Variants in IGSF11 observed in about 807,000 individuals in gnomAD.
The protein encoded by IGSF11 is CXADR like 1.
IGSF11 carries 22 observed loss-of-function variants against 41.0 expected under a neutral mutation model. The ratio of observed to expected loss-of-function variants is 0.54; its 90% CI spans 0.38 to 0.77. The LOEUF is 0.77. Among genes scored for constraint, IGSF11 ranks in the 30% least tolerant of loss-of-function variants. The pLI is 0.00. For missense variants in IGSF11, 444 were observed against 530.8 expected, an observed-to-expected ratio of 0.84 and a Z score of 1.61; for synonymous variants, 219 against 201.3, an observed-to-expected ratio of 1.09 and a Z score of -0.74.
intron 1 of IGSF11, among the ~76,000 whole-genome samples, chr3:119,048,800 T>A (rs1258838354): frequency 6.6e-6 from 1 of 152,126 alleles, no homozygotes; most frequent in South Asian, 2.1e-4. Context: ...TTATCCACCA[T>A]GATCAAGTGG....
chr3:119,004,089 G>A (rs1409909272), intron 1 of IGSF11, among the ~76,000 whole-genome samples: 1 of 150,472 alleles, frequency 6.6e-6, no homozygotes, highest in Non-Finnish European at 1.5e-5. Context: ...AATCCATCTG[G>A]TCCTGGACTC....
At chr3:118,914,190 T>G (rs1335222431) in intron 4 of IGSF11, among the ~76,000 whole-genome samples, 1 of 151,994 alleles carries the variant, frequency 6.6e-6, no homozygotes. Flanking sequence ...AAATAATCAG[T>G]AGAAGATATG....
intron 4 of IGSF11, among the ~76,000 whole-genome samples, chr3:118,909,655 A>G (rs1433896475): frequency 6.6e-6 from 1 of 152,266 alleles, no homozygotes; most frequent in East Asian, 1.9e-4. Context: ...CACCGTCCAG[A>G]TGGATGTTAG....
At chr3:119,027,384 T>G in intron 1 of IGSF11, among the ~76,000 whole-genome samples, 1 of 152,168 alleles carries the variant, frequency 6.6e-6, no homozygotes, top group East Asian at 1.9e-4. Context: ...GACCAGATAT[T>G]CTTCACATTT....
At position 118,996,999 on chromosome 3, in the gene IGSF11, A is replaced by G. The variant is rs1021703512; in HGVS notation, c.52+37532T>C. On this transcript the variant is annotated intron_variant, in intron 1 of 6. Coordinates refer to ENST00000393775, the MANE Select transcript of IGSF11 (RefSeq NM_001015887.3). ...GAACAAAAAAGAAAGGATCAGGCCT[A>G]GAGTAAGATGATGAGTTTTATTTCA... Among the ~76,000 whole-genome samples, 5 of 152,370 alleles carry G rather than the reference A, an allele frequency of 3.3e-5. 1 individual carries two copies. The highest frequency in any genetic ancestry group is 1.9e-4 in the East Asian group (1 of 5,186).
chr3:119,132,540 G>A (rs76697506), intron 1 of IGSF11, among the ~76,000 whole-genome samples: 20 of 152,118 alleles, frequency 1.3e-4, no homozygotes, highest in African/African-American at 4.3e-4. Flanking sequence ...AAATAGATAT[G>A]CACCCAATAT....
At chr3:119,078,243 T>A (rs1432300859) in intron 1 of IGSF11, among the ~76,000 whole-genome samples, 1 of 152,130 alleles carries the variant, frequency 6.6e-6, no homozygotes, top group Non-Finnish European at 1.5e-5. Context: ...CCCAGAGGCA[T>A]CATACTACCT....
intron 1 of IGSF11, among the ~76,000 whole-genome samples, chr3:119,103,878 A>C (rs1328772625): frequency 1.3e-5 from 2 of 152,168 alleles, no homozygotes; most frequent in Non-Finnish European, 2.9e-5. Context: ...AGTTATACAG[A>C]TGCAAGCAGC....
At chr3:119,075,743 T>G (rs1016440735) in intron 1 of IGSF11, among the ~76,000 whole-genome samples, 2 of 152,124 alleles carry the variant, frequency 1.3e-5, no homozygotes, top group African/African-American at 4.8e-5. Flanking sequence ...ATCATCTCAA[T>G]AGATGCACAA....
intron 1 of IGSF11, among the ~76,000 whole-genome samples, chr3:119,127,595 A>T (rs2077421301): frequency 6.6e-6 from 1 of 152,132 alleles, no homozygotes. Flanking sequence ...CCCAAGACAC[A>T]CAATCATCAG....
At chr3:119,051,404 A>T (rs981150408) in intron 1 of IGSF11, among the ~76,000 whole-genome samples, 2 of 152,122 alleles carry the variant, frequency 1.3e-5, no homozygotes, top group African/African-American at 2.4e-5. Flanking sequence ...AATAATAAAA[A>T]GATTAGTCCA....
At chr3:119,042,506 A>C (rs1382405091) in intron 1 of IGSF11, among the ~76,000 whole-genome samples, 1 of 152,036 alleles carries the variant, frequency 6.6e-6, no homozygotes, top group Non-Finnish European at 1.5e-5. Flanking sequence ...GCTTTCCCCC[A>C]CTTCCCTGGT....
chr3:119,021,779 A>G (rs1278769413), intron 1 of IGSF11, among the ~76,000 whole-genome samples: 1 of 152,226 alleles, frequency 6.6e-6, no homozygotes, highest in African/African-American at 2.4e-5. Flanking sequence ...AAGGCAAAAA[A>G]TTTATAGTCA....
At chr3:119,092,743 A>G (rs922419819) in intron 1 of IGSF11, among the ~76,000 whole-genome samples, 2 of 152,196 alleles carry the variant, frequency 1.3e-5, no homozygotes, top group African/African-American at 2.4e-5. Context: ...TGCAAGCTCC[A>G]TTCATGTTAA....
intron 1 of IGSF11, among the ~76,000 whole-genome samples, chr3:119,040,709 C>T (rs1195250560): frequency 1.3e-5 from 2 of 152,158 alleles, no homozygotes; most frequent in East Asian, 1.9e-4. Context: ...TTCTCAGTGT[C>T]TTTAACAGAT....
At chr3:119,069,414 T>C (rs1942334514) in intron 1 of IGSF11, among the ~76,000 whole-genome samples, 1 of 152,200 alleles carries the variant, frequency 6.6e-6, no homozygotes, top group Admixed American at 6.5e-5. Context: ...AATGATCTTA[T>C]TGAGAGGGTG....
chr3:118,945,687 A>G (rs1944074764), intron 1 of IGSF11, among the ~76,000 whole-genome samples: 1 of 152,182 alleles, frequency 6.6e-6, no homozygotes, highest in Non-Finnish European at 1.5e-5. Context: ...CTAAATCCCA[A>G]CTGTTCCACA....
chr3:119,042,036 G>T (rs1941136353), intron 1 of IGSF11, among the ~76,000 whole-genome samples: 1 of 152,158 alleles, frequency 6.6e-6, no homozygotes, highest in Admixed American at 6.5e-5. Context: ...ATGAGCATTA[G>T]TCCCCTAATA....
chr3:119,036,316 G>T (rs1301192306), upstream of IGSF11, among the ~76,000 whole-genome samples: 1 of 152,090 alleles, frequency 6.6e-6, no homozygotes, highest in African/African-American at 2.4e-5. Context: ...ATATCACGAG[G>T]CTCATTCTCA....
Sources: allele counts gnomAD v4.1 joint callset (sites outside exome capture counted in the v4.1 genomes callset), GRCh38; gene constraint gnomAD v4.1.1; transcripts MANE v1.5; gene names NCBI Gene and HGNC (gene_info 2026-07-23, HGNC 2026-07-21).